Variants in PDPN observed in about 807,000 individuals in gnomAD.
The protein encoded by PDPN is podoplanin, also known as PA2.26 antigen.
A neutral mutation model predicts 23.2 loss-of-function variants in PDPN; 12 were observed. The observed-to-expected ratio is 0.52, with a 90% confidence interval of 0.33 to 0.84. The LOEUF (loss-of-function observed/expected upper bound fraction) is 0.84. Among genes scored for constraint, PDPN ranks in the 40% least tolerant of loss-of-function variants. The pLI, the probability that PDPN is intolerant of heterozygous loss-of-function variation, is 0.02. For missense variants in PDPN, 199 were observed against 212.2 expected (o/e 0.94, Z 0.39); for synonymous variants, 77 against 76.7 (o/e 1.00, Z -0.02).
chr1:13,589,243 T>G lies in PDPN; in HGVS notation c.67+5143T>G, dbSNP rs552503257. Among the ~76,000 whole-genome samples, 7 of 152,336 alleles carry G rather than the reference T, an allele frequency of 4.6e-5. No individual in the cohort carries two copies. In the East Asian group the frequency reaches 9.6e-4, roughly 21 times the overall value. The stretch of plus-strand genomic sequence containing the variant: ...TGTAAATACAAAAAATAGCATCTTG[T>G]GGGGTATCTCACCCCTGAGAAGGGC... On this transcript the variant is annotated intron_variant, in intron 1 of 5. Coordinates refer to ENST00000621990, the MANE Select transcript of PDPN (RefSeq NM_006474.5).
intron 1 of PDPN, among the ~76,000 whole-genome samples, chr1:13,597,206 C>A (rs1365537233): frequency 6.6e-6 from 1 of 152,128 alleles, no homozygotes; most frequent in Non-Finnish European, 1.5e-5. Flanking sequence ...CAGAGCTTCC[C>A]AGAATATGAA....
intron 5 of PDPN, among the ~76,000 whole-genome samples, chr1:13,615,335 G>T (rs376473070): frequency 6.6e-6 from 1 of 150,628 alleles, no homozygotes; most frequent in Non-Finnish European, 1.5e-5. Flanking sequence ...TCACCAGGCT[G>T]GATGGAGTAG....
At chr1:13,583,766 T>C (rs771063439), upstream of PDPN, 3 of 1,495,678 alleles carry the variant, frequency 2.0e-6, no homozygotes, top group South Asian at 1.3e-5. Flanking sequence ...GAGACCACCT[T>C]GCGGCCGACC....
At chr1:13,597,319 G>A (rs766849101) in intron 1 of PDPN, among the ~76,000 whole-genome samples, 11 of 152,170 alleles carry the variant, frequency 7.2e-5, no homozygotes, top group Admixed American at 1.3e-4. Flanking sequence ...CTAGGGCAGC[G>A]CAAGATGCTA....
chr1:13,607,998 G>C (rs59593742), intron 2 of PDPN, among the ~76,000 whole-genome samples: 1 of 151,854 alleles, frequency 6.6e-6, no homozygotes, highest in East Asian at 1.9e-4. Flanking sequence ...CCAGCTGCTC[G>C]GGAGGCTGAG....
chr1:13,598,823 TG>T (rs1640563477), intron 1 of PDPN, among the ~76,000 whole-genome samples: 1 of 152,062 alleles, frequency 6.6e-6, no homozygotes, highest in South Asian at 2.1e-4. Flanking sequence ...ACCGAGTGCC[TG>T]GTATGTGCCA....
At chr1:13,604,589 T>A (rs1640735127) in intron 1 of PDPN, among the ~76,000 whole-genome samples, 1 of 149,302 alleles carries the variant, frequency 6.7e-6, no homozygotes, top group South Asian at 2.2e-4. Context: ...TTCAATCTAA[T>A]TTCATTGAGC....
At chr1:13,584,677 G>T (rs557701481) in intron 1 of PDPN, among the ~76,000 whole-genome samples, 8 of 152,358 alleles carry the variant, frequency 5.3e-5, no homozygotes, top group African/African-American at 1.9e-4. Context: ...AGAGGATAGT[G>T]TGTGTGGAAA....
intron 3 of PDPN, 124 bp downstream of exon 3, chr1:13,610,640 C>G: frequency 1.0e-6 from 1 of 971,706 alleles, no homozygotes; most frequent in Non-Finnish European, 1.5e-6. Context: ...GACTTCTGAA[C>G]CAAGCTTTAT....
chr1:13,604,469 T>A (rs186865595), intron 1 of PDPN, among the ~76,000 whole-genome samples: 38 of 152,322 alleles, frequency 2.5e-4, no homozygotes, highest in African/African-American at 8.9e-4. Flanking sequence ...ACGCCTTTTG[T>A]CCATTCAGAG....
At chr1:13,594,260 A>C (rs916699499) in intron 1 of PDPN, among the ~76,000 whole-genome samples, 2 of 152,186 alleles carry the variant, frequency 1.3e-5, no homozygotes, top group Non-Finnish European at 2.9e-5. Context: ...AATGTTATCA[A>C]ATTCTATACT....
Position 13,610,412 on chromosome 1 carries a change from C to T in PDPN, c.227C>T (p.Thr76Ile). Reference sequence around the variant, plus strand: ...GTGGCAACAAGTGTCAACAGTGTAACAGGCATTCGCATCGAGGATCTGCCA... The same window carrying T: ...GTGGCAACAAGTGTCAACAGTGTAATAGGCATTCGCATCGAGGATCTGCCA... ...TLVATSVNSV[T>I]GIRIEDLPTS... Residue 76 changes from threonine to isoleucine, a missense_variant, in exon 3 of 6, where the codon ACA becomes ATA. Physicochemically the swap from Thr to Ile is moderately conservative, Grantham distance 89. Coordinates refer to ENST00000621990, the MANE Select transcript of PDPN (RefSeq NM_006474.5). 1 of 1,613,744 alleles carries T rather than the reference C, an allele frequency of 6.2e-7. No individual in the cohort carries two copies. The highest frequency in any genetic ancestry group is 2.2e-5 in the East Asian group (1 of 44,878).
chr1:13,584,867 G>A (rs552553016), intron 1 of PDPN, among the ~76,000 whole-genome samples: 1 of 152,238 alleles, frequency 6.6e-6, no homozygotes, highest in Admixed American at 6.5e-5. Flanking sequence ...GGGTGGGGGC[G>A]TCCACAGCTT....
At chr1:13,615,124 T>A (rs1570065399) in intron 5 of PDPN, among the ~76,000 whole-genome samples, 1 of 152,176 alleles carries the variant, frequency 6.6e-6, no homozygotes, top group East Asian at 1.9e-4. Flanking sequence ...GTCTTTTTCA[T>A]TGAGATCTTC....
At chr1:13,587,784 A>G (rs779404163) in intron 1 of PDPN, among the ~76,000 whole-genome samples, 3 of 152,182 alleles carry the variant, frequency 2.0e-5, no homozygotes, top group Non-Finnish European at 2.9e-5. Flanking sequence ...CCGGTAGGGA[A>G]TAACTGGAAT....
At chr1:13,598,368 A>G (rs1262460) in intron 1 of PDPN, among the ~76,000 whole-genome samples, 31,536 of 151,936 alleles carry the variant, frequency 0.21, 3,558 homozygotes, top group East Asian at 0.37. Context: ...CTCCCCAGCC[A>G]TCACCTGTCC....
At chr1:13,603,351 C>G (rs1225293677) in intron 1 of PDPN, among the ~76,000 whole-genome samples, 1 of 152,096 alleles carries the variant, frequency 6.6e-6, no homozygotes, top group Non-Finnish European at 1.5e-5. Context: ...CCATTGCACT[C>G]CAGCCTGGGT....
At chr1:13,612,367 TAGTAACAA>T (rs1192603598) in intron 3 of PDPN, among the ~76,000 whole-genome samples, 2 of 152,212 alleles carry the variant, frequency 1.3e-5, no homozygotes, top group Non-Finnish European at 2.9e-5. Context: ...AGCTCTAATT[TAGTAACAA>T]ATCCTCCACA....
At chr1:13,599,542 C>T (rs1275245724) in intron 1 of PDPN, among the ~76,000 whole-genome samples, 3 of 151,848 alleles carry the variant, frequency 2.0e-5, no homozygotes, top group Non-Finnish European at 2.9e-5. Flanking sequence ...CCCACCATCA[C>T]GCCTGGCTAA....
Sources: allele counts gnomAD v4.1 joint callset (sites outside exome capture counted in the v4.1 genomes callset), GRCh38; gene constraint gnomAD v4.1.1; transcripts MANE v1.5; gene names NCBI Gene and HGNC (gene_info 2026-07-23, HGNC 2026-07-21).